RFC1: variants seen among roughly 807,000 people sequenced by gnomAD.
RFC1 encodes A1 140 kDa subunit.
Under a neutral mutation model 137.4 loss-of-function variants are expected in RFC1, and 37 were observed. That is an observed-to-expected ratio of 0.27 (90% confidence interval 0.21 to 0.35). RFC1 has a LOEUF of 0.35. Ranked by LOEUF, RFC1 falls within the 10% of genes least tolerant of loss-of-function variation. The probability of loss-of-function intolerance (pLI) is 1.00; values close to 1 mark genes in which losing one functional copy is unlikely to be tolerated. For missense variants in RFC1, 1,205 were observed against 1,358.5 expected, an observed-to-expected ratio of 0.89 and a Z score of 1.78; for synonymous variants, 429 against 455.7, an observed-to-expected ratio of 0.94 and a Z score of 0.75.
In RFC1 at chr4:39,308,885, T is replaced by C. The variant is rs183190812; in HGVS notation, c.1636A>G (p.Thr546Ala). The part of the protein sequence containing the change: ...DSLAKTIKKE[T>A]DVFWKSLDFK... ...TCCAGGCTTTTCCAAAACACATCTG[T>C]TTCCTTTTTTATTGTCTTTGCCAAA... is the stretch of plus-strand genomic sequence containing the variant. Residue 546 changes from threonine to alanine, a missense_variant, in exon 13 of 25, where the codon ACA (threonine) becomes GCA (alanine). Thr to Ala is a moderately conservative substitution (Grantham distance 58). This residue lies in a region of RFC1 where 962 missense variants were observed against 1,035.3 expected (regional missense o/e 0.93). Transcript: ENST00000349703. The C allele has an allele frequency of 6.8e-5, 109 of 1,614,172 alleles. No homozygotes were observed. In the East Asian group the frequency reaches 2.3e-3, roughly 35 times the overall value.
chr4:39,362,547 CT>C (rs1190267561), intron 1 of RFC1, among the ~76,000 whole-genome samples: 59 of 152,196 alleles, frequency 3.9e-4, no homozygotes, highest in African/African-American at 1.3e-3. Flanking sequence ...AAAGAAGAGT[CT>C]TTTCAAAAAA....
intron 1 of RFC1, among the ~76,000 whole-genome samples, chr4:39,354,829 T>A (rs1741382644): frequency 1.4e-5 from 2 of 143,686 alleles, no homozygotes; most frequent in Non-Finnish European, 3.0e-5. Context: ...ACGCCTGTAA[T>A]CCCGGCACTT....
In RFC1 at chr4:39,327,687, C is replaced by A. The variant is rs1739848368; in HGVS notation, c.401G>T (p.Ser134Ile). ...KSKENGRSTNSHLGTSNMKKN... is the reference protein window; with the variant it reads ...KSKENGRSTNIHLGTSNMKKN... The stretch of plus-strand genomic sequence containing the variant: ...TTTCATGTTTGATGTTCCAAGATGA[C>A]TATTTGTAGATCTTCCATTCTCTTT... The change falls in exon 5 of 25, where the codon AGT (serine) becomes ATT (isoleucine). Residue 134 changes from serine to isoleucine, a missense_variant. Around this residue, in one of 3 missense-constraint regions of RFC1, gnomAD observed 962 missense variants for 1,035.3 expected, o/e 0.93. Transcript: ENST00000349703. The A allele has an allele frequency of 6.2e-7, 1 of 1,613,228 alleles. No individual in the cohort carries two copies. The highest frequency in any genetic ancestry group is 1.7e-5 in the Admixed American group (1 of 59,956).
chr4:39,348,670 G>A (rs1430946103), intron 2 of RFC1, among the ~76,000 whole-genome samples: 1 of 151,916 alleles, frequency 6.6e-6, no homozygotes, highest in Non-Finnish European at 1.5e-5. Context: ...TCAAGAAAAG[G>A]GAAGAATGGC....
intron 1 of RFC1, 103 bp from the exon 2 acceptor site, chr4:39,351,579 G>A: frequency 9.9e-7 from 1 of 1,013,288 alleles, no homozygotes; most frequent in Non-Finnish European, 1.4e-6. Flanking sequence ...GGGTTACCCT[G>A]AGTAATTTTT....
Position 39,331,529 on chromosome 4 carries a change from A to G in RFC1, c.332-3773T>C, listed in dbSNP as rs545927651. Among the ~76,000 whole-genome samples, 4 of 152,336 alleles carry G rather than the reference A, an allele frequency of 2.6e-5. No homozygotes were observed. The South Asian group carries it at 8.3e-4, about 32-fold the overall frequency. Reference sequence around the variant, plus strand: ...CAAAGATGGCCTCAACAACCATAACAATGGCAGTACAAACAGAGAGATGTG... The same window carrying G: ...CAAAGATGGCCTCAACAACCATAACGATGGCAGTACAAACAGAGAGATGTG... On this transcript the variant is annotated intron_variant, in intron 4 of 24. Transcript: ENST00000349703.
Position 39,306,634 on chromosome 4 carries a change from A to G in RFC1, c.1953T>C (p.Pro651=). 3 of 1,613,364 alleles carry G rather than the reference A, an allele frequency of 1.9e-6. No individual in the cohort carries two copies. Among genetic ancestry groups the G allele is most frequent in the Non-Finnish European group, 2.5e-6 (3 of 1,179,400 alleles). The change falls in exon 14 of 25, where the codon CCT becomes CCC. Residue 651 remains proline, a synonymous_variant. Coordinates refer to ENST00000349703, the MANE Select transcript of RFC1 (RefSeq NM_002913.5). ...SSFKAALLSG[P]PGVGKTTTAS... The stretch of plus-strand genomic sequence containing the variant: ...CTGTGGTGGTTTTGCCAACACCAGG[A>G]GGGCCTGACAGCAACGCTGCTTTAA...
intron 23 of RFC1, 140 bp from the exon 24 acceptor site, chr4:39,290,179 C>T (rs573975287): frequency 2.4e-5 from 13 of 548,474 alleles, no homozygotes; most frequent in African/African-American, 3.8e-5. Context: ...AATCTAAGTA[C>T]GTGCATTTTT....
intron 9 of RFC1, among the ~76,000 whole-genome samples, chr4:39,319,103 C>T (rs1485510707): frequency 1.3e-5 from 2 of 152,116 alleles, no homozygotes; most frequent in Non-Finnish European, 2.9e-5. Context: ...TAGGACTAAG[C>T]CAAATAACAA....
intron 4 of RFC1, among the ~76,000 whole-genome samples, chr4:39,332,384 T>C (rs1039711032): frequency 1.1e-4 from 16 of 152,228 alleles, no homozygotes; most frequent in Admixed American, 6.5e-5. Flanking sequence ...ACAGACTTCA[T>C]GGTATCTTTT....
chr4:39,334,577 G>A (rs1740262894), intron 4 of RFC1, among the ~76,000 whole-genome samples: 1 of 152,080 alleles, frequency 6.6e-6, no homozygotes. Context: ...TTTAACATTT[G>A]TTCTTGTTTT....
intron 1 of RFC1, among the ~76,000 whole-genome samples, chr4:39,358,600 C>G (rs1175808512): frequency 6.6e-6 from 1 of 152,150 alleles, no homozygotes; most frequent in African/African-American, 2.4e-5. Flanking sequence ...GTTGTCAACA[C>G]CTGCAACAAG....
In RFC1 at chr4:39,308,729, T is replaced by C. The variant is rs2066791; in HGVS notation, c.1792A>G (p.Ile598Val). The C allele has an allele frequency of 8.1e-4, 1,300 of 1,614,210 alleles. 9 individuals carry two copies. In the African/African-American group the frequency reaches 0.015, roughly 19 times the overall value. The change falls in exon 13 of 25, where the codon ATA becomes GTA. Residue 598 changes from isoleucine (I) to valine (V), a missense_variant. Ile to Val is a conservative substitution (Grantham distance 29). Coordinates refer to ENST00000349703, the MANE Select transcript of RFC1 (RefSeq NM_002913.5). ...CTCTGGTCACCTTGCTGTCCAATTA[T>C]GGTCTTGAGCGAGGTTGGCTTATAT... Reference protein sequence around the residue: ...DKYKPTSLKTIIGQQGDQSCA... With the variant: ...DKYKPTSLKTVIGQQGDQSCA...
intron 19 of RFC1, among the ~76,000 whole-genome samples, chr4:39,301,756 G>T (rs1406293628): frequency 6.6e-6 from 1 of 152,140 alleles, no homozygotes; most frequent in Non-Finnish European, 1.5e-5. Flanking sequence ...GACCAGTCGG[G>T]GAAACATAGC....
At position 39,291,867 on chromosome 4, in the gene RFC1, A is replaced by G; in HGVS notation, c.2955-15T>C. ...TGGAGTAAGTTCTGAAACCACAACAAAAGAGACATAGTCAACAGCAAAGTA... is the reference window on the plus strand; with the variant it reads ...TGGAGTAAGTTCTGAAACCACAACAGAAGAGACATAGTCAACAGCAAAGTA... On this transcript the variant is annotated splice_polypyrimidine_tract_variant and intron_variant, in intron 22 of 24. Transcript: ENST00000349703. 1 of 1,592,346 alleles carries G rather than the reference A, an allele frequency of 6.3e-7. No homozygotes were observed. The highest frequency in any genetic ancestry group is 8.6e-7 in the Non-Finnish European group (1 of 1,160,138).
intron 3 of RFC1, among the ~76,000 whole-genome samples, chr4:39,343,243 GA>G (rs1187192829): frequency 2.0e-5 from 3 of 151,960 alleles, no homozygotes; most frequent in African/African-American, 7.3e-5. Flanking sequence ...GGCTGGTCTG[GA>G]AATCCTGACC....
chr4:39,308,731 G>A lies in RFC1; in HGVS notation c.1790C>T (p.Thr597Ile). ...VDKYKPTSLKTIIGQQGDQSC... is the reference protein window; with the variant it reads ...VDKYKPTSLKIIIGQQGDQSC... ...CTGGTCACCTTGCTGTCCAATTATG[G>A]TCTTGAGCGAGGTTGGCTTATATTT... Residue 597 changes from threonine to isoleucine, a missense_variant, in exon 13 of 25, where the codon ACC becomes ATC. Physicochemically the swap from Thr to Ile is moderately conservative, Grantham distance 89. Around this residue, in one of 3 missense-constraint regions of RFC1, gnomAD observed 962 missense variants for 1,035.3 expected, o/e 0.93. Coordinates refer to ENST00000349703, the MANE Select transcript of RFC1 (RefSeq NM_002913.5). 3 of 1,614,158 alleles carry A rather than the reference G, an allele frequency of 1.9e-6. No individual in the cohort carries two copies. The highest frequency in any genetic ancestry group is 1.3e-5 in the African/African-American group (1 of 75,026).
chr4:39,291,623 G>A lies in RFC1; in HGVS notation c.3168+16C>T. The A allele has an allele frequency of 1.9e-6, 3 of 1,570,176 alleles. No homozygotes were observed. Among genetic ancestry groups the A allele is most frequent in the Non-Finnish European group, 2.6e-6 (3 of 1,139,996 alleles). ...TAATAGAAAGTGACGAAGAACCAGT[G>A]AGTGACATGATTTACCTTGGGATCC... On this transcript the variant is annotated intron_variant, in intron 23 of 24. Coordinates refer to ENST00000349703, the MANE Select transcript of RFC1 (RefSeq NM_002913.5).
chr4:39,344,647 T>C (rs1401887361), intron 3 of RFC1, among the ~76,000 whole-genome samples: 1 of 152,130 alleles, frequency 6.6e-6, no homozygotes, highest in Non-Finnish European at 1.5e-5. Context: ...ATTAGCTAGA[T>C]GTGGTGCTGC....
Sources: allele counts gnomAD v4.1 joint callset (sites outside exome capture counted in the v4.1 genomes callset), GRCh38; gene constraint gnomAD v4.1.1; regional missense constraint gnomAD v4.1.1; transcripts MANE v1.5; gene names NCBI Gene and HGNC (gene_info 2026-07-23, HGNC 2026-07-21).